The following LARP1B variants were observed in gnomAD, a reference collection of about 807,000 sequenced individuals.
LARP1B encodes the protein la-related protein 1B.
In LARP1B, 76 loss-of-function variants were observed where a neutral mutation model predicts 114.2. The observed-to-expected ratio is 0.67, with a 90% CI of 0.55 to 0.81. The LOEUF is 0.81. LARP1B is among the 30% of genes least tolerant of loss of function. The pLI is 0.00. For missense variants in LARP1B, 1,014 were observed against 1,075.8 expected (o/e 0.94, Z 0.80); for synonymous variants, 345 against 348.0 (o/e 0.99, Z 0.10).
intron 8 of LARP1B, among the ~76,000 whole-genome samples, chr4:128,101,016 A>G (rs1237519440): frequency 5.3e-5 from 8 of 150,250 alleles, no homozygotes; most frequent in Admixed American, 5.3e-4. Context: ...ACAGGGTTTC[A>G]CCATGTTGGT....
chr4:128,108,555 T>TA lies in LARP1B; in HGVS notation c.988+1243dup, dbSNP rs773166966. On this transcript the variant is annotated intron_variant, in intron 9 of 19. Coordinates refer to ENST00000326639, the MANE Select transcript of LARP1B (RefSeq NM_018078.4). ...ATGATGGACAGTCTCACACTATTTT[T>TA]ATCATATGTTTCTTTGTCAGCCTTC... 1.2e-4 allele frequency: 118 copies of TA among 985,730 alleles called. No homozygotes were observed. The South Asian group carries it at 1.8e-3, about 15-fold the overall frequency. The allele number at this position is 985,730 out of a possible 1,614,324, so 61.1% of individuals were successfully genotyped here.
intron 11 of LARP1B, chr4:128,123,061 A>G (rs1788504699): frequency 1.0e-6 from 1 of 985,324 alleles, no homozygotes; most frequent in Non-Finnish European, 1.2e-6. Flanking sequence ...GTAGGAAGAA[A>G]AGCTAGCCAA....
At chr4:128,155,662 G>T (rs1415739936) in intron 11 of LARP1B, 1 of 1,570,968 alleles carries the variant, frequency 6.4e-7, no homozygotes, top group African/African-American at 1.3e-5. Flanking sequence ...GCCTCCAGTG[G>T]TGTGTCCAAG....
intron 11 of LARP1B, among the ~76,000 whole-genome samples, chr4:128,133,569 A>T (rs1053521503): frequency 2.6e-5 from 4 of 152,242 alleles, no homozygotes; most frequent in Admixed American, 2.6e-4. Flanking sequence ...GAAAAAGAAG[A>T]AATTTGGAAG....
intron 15 of LARP1B, among the ~76,000 whole-genome samples, chr4:128,180,799 T>G (rs1270463671): frequency 1.3e-5 from 2 of 152,214 alleles, no homozygotes; most frequent in Non-Finnish European, 2.9e-5. Flanking sequence ...GATTGTATAA[T>G]AAGAATATAT....
chr4:128,116,063 A>T (rs1785702076), intron 10 of LARP1B, among the ~76,000 whole-genome samples: 1 of 152,202 alleles, frequency 6.6e-6, no homozygotes, highest in Non-Finnish European at 1.5e-5. Flanking sequence ...TTGGTGATTT[A>T]ATGTGCAAAA....
intron 11 of LARP1B, among the ~76,000 whole-genome samples, chr4:128,129,155 ACT>A (rs1301770818): frequency 1.8e-5 from 2 of 110,016 alleles, no homozygotes; most frequent in Admixed American, 1.3e-4. Context: ...ACAGAGCGAG[ACT>A]CTGTCTCAAA....
intron 12 of LARP1B, among the ~76,000 whole-genome samples, chr4:128,167,028 A>T (rs1741361046): frequency 6.7e-6 from 1 of 149,372 alleles, no homozygotes. Context: ...ATACATACAC[A>T]CGTGTGTACG....
chr4:128,110,492 A>C (rs1182549950), intron 9 of LARP1B, among the ~76,000 whole-genome samples: 5 of 150,282 alleles, frequency 3.3e-5, no homozygotes, highest in African/African-American at 4.9e-5. Flanking sequence ...GCTAAAAAAA[A>C]CGGTGAAACC....
chr4:128,153,626 C>G (rs1388074000), intron 11 of LARP1B, among the ~76,000 whole-genome samples: 1 of 152,164 alleles, frequency 6.6e-6, no homozygotes, highest in South Asian at 2.1e-4. Context: ...AAAATGTGGT[C>G]TTCCCTGGTT....
intron 12 of LARP1B, 117 bp from the exon 13 acceptor site, chr4:128,176,755 A>G: frequency 1.1e-6 from 1 of 882,984 alleles, no homozygotes; most frequent in Non-Finnish European, 1.8e-6. Context: ...AATGAGACTT[A>G]CTCTTGGCAT....
chr4:128,146,477 C>A (rs1730404512), intron 11 of LARP1B, among the ~76,000 whole-genome samples: 1 of 152,092 alleles, frequency 6.6e-6, no homozygotes, highest in South Asian at 2.1e-4. Context: ...TGGATGTTAG[C>A]CATATAATAT....
At chr4:128,082,985 C>T (rs1384977549) in intron 5 of LARP1B, among the ~76,000 whole-genome samples, 1 of 151,714 alleles carries the variant, frequency 6.6e-6, no homozygotes, top group Non-Finnish European at 1.5e-5. Context: ...GTTTGTGTCC[C>T]TGGGTACTTG....
intron 9 of LARP1B, chr4:128,108,185 T>C: frequency 8.2e-7 from 1 of 1,224,676 alleles, no homozygotes; most frequent in Non-Finnish European, 1.0e-6. Flanking sequence ...CTGCTTTTAT[T>C]CATGGTGGGA....
intron 15 of LARP1B, among the ~76,000 whole-genome samples, chr4:128,180,285 A>G (rs1747910570): frequency 6.6e-6 from 1 of 152,186 alleles, no homozygotes; most frequent in African/African-American, 2.4e-5. Context: ...TGTTTATACT[A>G]GATATTTTCA....
At chr4:128,085,389 G>A (rs1773046593) in intron 5 of LARP1B, among the ~76,000 whole-genome samples, 1 of 123,414 alleles carries the variant, frequency 8.1e-6, no homozygotes, top group Admixed American at 1.0e-4. Context: ...AATAAGTGAT[G>A]GGGTCTCATT....
At chr4:128,158,984 A>G (rs1418536541) in intron 11 of LARP1B, among the ~76,000 whole-genome samples, 1 of 151,288 alleles carries the variant, frequency 6.6e-6, no homozygotes, top group Non-Finnish European at 1.5e-5. Context: ...AGTGTGGGCA[A>G]CATAGTGAGA....
At chr4:128,062,052 A>T (rs1560993926) in intron 1 of LARP1B, 2 of 985,098 alleles carry the variant, frequency 2.0e-6, no homozygotes, top group Non-Finnish European at 2.4e-6. Context: ...TTGCTGCGGG[A>T]TCCGCCGGCC....
chr4:128,147,862 C>T (rs1181692307), intron 11 of LARP1B, among the ~76,000 whole-genome samples: 3 of 151,904 alleles, frequency 2.0e-5, no homozygotes, highest in East Asian at 3.9e-4. Context: ...TATGTAAGCA[C>T]GAATGTGTTT....
Sources: gnomAD v4.1 joint callset for allele counts (sites outside exome capture counted in the v4.1 genomes callset) on GRCh38, gnomAD v4.1.1 for gene constraint, MANE v1.5 for transcripts, NCBI Gene and HGNC (gene_info 2026-07-23, HGNC 2026-07-21) for gene names.